TRPM3: variants seen among roughly 807,000 people sequenced by gnomAD.
TRPM3 encodes the protein transient receptor potential cation channel subfamily M member 3.
Under a neutral mutation model 181.2 loss-of-function variants are expected in TRPM3, and 77 were observed. The ratio of observed to expected loss-of-function variants is 0.42; its 90% CI spans 0.35 to 0.51. The LOEUF (loss-of-function observed/expected upper bound fraction) is 0.51, where lower values mean the gene tolerates loss of function less well. TRPM3 is among the 20% of genes least tolerant of loss of function. The pLI, the probability that TRPM3 is intolerant of heterozygous loss-of-function variation, is 0.01. For missense variants in TRPM3, 1,759 were observed against 2,196.7 expected, an observed-to-expected ratio of 0.80 and a Z score of 3.98; for synonymous variants, 745 against 796.4, an observed-to-expected ratio of 0.94 and a Z score of 1.09.
chr9:70,975,754 T>C (rs1423665763), intron 1 of TRPM3, among the ~76,000 whole-genome samples: 3 of 152,150 alleles, frequency 2.0e-5, no homozygotes, highest in Admixed American at 6.5e-5. Context: ...GGCAGCATGG[T>C]ATTATGGAAG....
intron 6 of TRPM3, among the ~76,000 whole-genome samples, chr9:70,800,509 T>A (rs970042080): frequency 6.6e-6 from 1 of 152,166 alleles, no homozygotes; most frequent in Non-Finnish European, 1.5e-5. Context: ...TGGGGCCACT[T>A]ATATGTAGAT....
chr9:71,420,354 C>T (rs935435539), intron 1 of TRPM3, among the ~76,000 whole-genome samples: 5 of 151,862 alleles, frequency 3.3e-5, no homozygotes, highest in African/African-American at 1.2e-4. Flanking sequence ...AAATCCCTCC[C>T]TTCATGATAA....
At chr9:70,783,410 A>T (rs534701800) in intron 7 of TRPM3, among the ~76,000 whole-genome samples, 2 of 152,254 alleles carry the variant, frequency 1.3e-5, no homozygotes, top group African/African-American at 2.4e-5. Flanking sequence ...AATAATCTGC[A>T]AGAGTGCCTG....
intron 1 of TRPM3, among the ~76,000 whole-genome samples, chr9:71,390,164 G>T (rs2093029082): frequency 6.6e-6 from 1 of 151,958 alleles, no homozygotes; most frequent in Non-Finnish European, 1.5e-5. Flanking sequence ...GACATCCACA[G>T]ATAGATAAAT....
intron 1 of TRPM3, among the ~76,000 whole-genome samples, chr9:71,168,551 T>G (rs372466478): frequency 0.51 from 43,345 of 85,666 alleles, 10,173 homozygotes; most frequent in Middle Eastern, 0.6. Flanking sequence ...TTTATTTATT[T>G]ATTTATTTAT....
At chr9:70,955,182 G>T (rs185280566) in intron 1 of TRPM3, among the ~76,000 whole-genome samples, 20 of 151,616 alleles carry the variant, frequency 1.3e-4, no homozygotes, top group African/African-American at 4.8e-4. Flanking sequence ...TTTGAGAGAC[G>T]AAAAAAAAGT....
chr9:71,397,092 T>C lies in TRPM3; in HGVS notation c.183+49561A>G, dbSNP rs187346398. Among the ~76,000 whole-genome samples the C allele has an allele frequency of 2.6e-5, 4 of 152,258 alleles. No individual in the cohort carries two copies. In the East Asian group the frequency reaches 7.7e-4, roughly 29 times the overall value. On this transcript the variant is annotated intron_variant, in intron 1 of 24. Coordinates refer to the TRPM3 transcript ENST00000357533. ...AACATAGAGAATTCGGCAACATTAA[T>C]GTAGTACGATAAGATATTTCTAAAT...
chr9:70,593,927 AT>A (rs1172333921), intron 21 of TRPM3, among the ~76,000 whole-genome samples: 1 of 147,422 alleles, frequency 6.8e-6, no homozygotes, highest in Non-Finnish European at 1.5e-5. Context: ...ATTATAATGT[AT>A]AATGTATATA....
At chr9:70,638,914 C>T in intron 11 of TRPM3, 146 bp downstream of exon 11, 1 of 895,764 alleles carries the variant, frequency 1.1e-6, no homozygotes, top group Non-Finnish European at 1.6e-6. Context: ...TGTTTGTCAT[C>T]TATGTAGGTC....
At position 70,657,690 on chromosome 9, in the gene TRPM3, G is replaced by T. The variant is rs2060553040; in HGVS notation, c.1346-17030C>A. ...ATCTTTCTGTATGTGCTTTTAAAGTGCTTTGACATTGAGTTACAGGGCTTT... is the reference window on the plus strand; with the variant it reads ...ATCTTTCTGTATGTGCTTTTAAAGTTCTTTGACATTGAGTTACAGGGCTTT... On this transcript the variant is annotated intron_variant, in intron 9 of 25. Transcript: ENST00000677713. Among the ~76,000 whole-genome samples, 3 of 152,226 alleles carry T rather than the reference G, an allele frequency of 2.0e-5. No individual in the cohort carries two copies. The South Asian group carries it at 6.2e-4, about 32-fold the overall frequency.
chr9:71,235,430 T>C (rs1402145646), intron 1 of TRPM3, among the ~76,000 whole-genome samples: 1 of 152,238 alleles, frequency 6.6e-6, no homozygotes, highest in Non-Finnish European at 1.5e-5. Context: ...GACTTTCTCC[T>C]GTTCACTATG....
intron 1 of TRPM3, among the ~76,000 whole-genome samples, chr9:71,383,183 GATAC>G (rs1224839812): frequency 6.6e-6 from 1 of 152,008 alleles, no homozygotes; most frequent in African/African-American, 2.4e-5. Flanking sequence ...AGCTCCAACT[GATAC>G]ATACACATAT....
intron 1 of TRPM3, among the ~76,000 whole-genome samples, chr9:71,293,362 G>A (rs1296562095): frequency 3.3e-5 from 5 of 151,646 alleles, no homozygotes; most frequent in Admixed American, 2.0e-4. Flanking sequence ...CATTATTCAC[G>A]GACATTTTAT....
chr9:70,939,915 A>G (rs903359900), intron 1 of TRPM3, among the ~76,000 whole-genome samples: 6 of 152,222 alleles, frequency 3.9e-5, no homozygotes, highest in Admixed American at 6.5e-5. Flanking sequence ...ATTCAATAAG[A>G]CAGATTCTCC....
At chr9:71,161,375 GC>G (rs903284890) in intron 1 of TRPM3, among the ~76,000 whole-genome samples, 35 of 152,170 alleles carry the variant, frequency 2.3e-4, no homozygotes, top group African/African-American at 8.4e-4. Context: ...GATCTATGAC[GC>G]CCTGAACTTG....
chr9:71,415,393 T>C (rs1159349063), intron 1 of TRPM3, among the ~76,000 whole-genome samples: 1 of 152,110 alleles, frequency 6.6e-6, no homozygotes, highest in Non-Finnish European at 1.5e-5. Context: ...GTAAATATGG[T>C]AGACCTAAAT....
intron 1 of TRPM3, among the ~76,000 whole-genome samples, chr9:70,903,986 A>C (rs938945375): frequency 1.6e-4 from 25 of 152,170 alleles, no homozygotes; most frequent in Non-Finnish European, 4.4e-5. Context: ...ATTTTGGAAG[A>C]CCAAGGCAGG....
chr9:71,003,310 G>A (rs1002014049), intron 1 of TRPM3, among the ~76,000 whole-genome samples: 1 of 150,962 alleles, frequency 6.6e-6, no homozygotes, highest in Admixed American at 6.6e-5. Context: ...ATTGTGCAAA[G>A]TTCATTCAGT....
At chr9:70,964,446 T>C (rs2097166680) in intron 1 of TRPM3, among the ~76,000 whole-genome samples, 1 of 152,092 alleles carries the variant, frequency 6.6e-6, no homozygotes, top group Non-Finnish European at 1.5e-5. Flanking sequence ...TCAGTATCAT[T>C]GCTGTTTTTT....
Sources: allele counts gnomAD v4.1 joint callset (sites outside exome capture counted in the v4.1 genomes callset), GRCh38; gene constraint gnomAD v4.1.1; transcripts MANE v1.5; gene names NCBI Gene and HGNC (gene_info 2026-07-23, HGNC 2026-07-21).